RXYLT1: variants seen among roughly 807,000 people sequenced by gnomAD.
RXYLT1 encodes ribitol-5-phosphate xylosyltransferase 1.
A neutral mutation model predicts 43.5 loss-of-function variants in RXYLT1; 41 were observed. The ratio of observed to expected loss-of-function variants is 0.94; its 90% CI spans 0.73 to 1.22. The LOEUF (loss-of-function observed/expected upper bound fraction) is 1.22, where lower values mean the gene tolerates loss of function less well. Among genes scored for constraint, RXYLT1 ranks in the 50% most tolerant of loss-of-function variants. RXYLT1 has a pLI of 0.00. For synonymous variants in RXYLT1, 166 were observed against 194.4 expected (o/e 0.85, Z 1.21); for missense variants, 514 against 532.0 (o/e 0.97, Z 0.33).
At chr12:63,800,951 T>A (rs945572415) in intron 3 of RXYLT1, among the ~76,000 whole-genome samples, 4 of 151,954 alleles carry the variant, frequency 2.6e-5, no homozygotes, top group African/African-American at 7.3e-5. Context: ...TACAACACAT[T>A]CCCATTTACT....
rs187096303 is a variant in RXYLT1, at chr12:63,788,770, G to A, written c.428+3698G>A. Among the ~76,000 whole-genome samples the A allele has an allele frequency of 5.3e-5, 8 of 152,274 alleles. No individual in the cohort carries two copies. In the East Asian group the frequency reaches 1.5e-3, roughly 29 times the overall value. On this transcript the variant is annotated intron_variant, in intron 3 of 5. Coordinates refer to ENST00000261234, the MANE Select transcript of RXYLT1 (RefSeq NM_014254.3). Reference sequence around the variant, plus strand: ...ATTTCACCTTCACATCATTCATGTTGTTCACTGGAGTAGCACTTTTCATTT... The same window carrying A: ...ATTTCACCTTCACATCATTCATGTTATTCACTGGAGTAGCACTTTTCATTT...
At chr12:63,780,908 C>T in intron 1 of RXYLT1, 111 bp from the exon 2 acceptor site, 1 of 981,058 alleles carries the variant, frequency 1.0e-6, no homozygotes, top group Non-Finnish European at 1.4e-6. Context: ...CTGTACCTCT[C>T]AGAAATTAAA....
chr12:63,788,280 T>G (rs1172752833), intron 3 of RXYLT1, among the ~76,000 whole-genome samples: 1 of 152,198 alleles, frequency 6.6e-6, no homozygotes, highest in Non-Finnish European at 1.5e-5. Context: ...GGCTTCAACT[T>G]AAAGTCACCC....
At chr12:63,788,597 C>A (rs1897855905) in intron 3 of RXYLT1, among the ~76,000 whole-genome samples, 1 of 152,196 alleles carries the variant, frequency 6.6e-6, no homozygotes, top group African/African-American at 2.4e-5. Context: ...GACTTTTCTC[C>A]TGCAGCTTCC....
In RXYLT1 at chr12:63,809,182, T is replaced by A. The variant is rs902738721; in HGVS notation, c.*90T>A. Reference sequence around the variant, plus strand: ...TGTGTGTGTATGTATTTATAGATGTTCTTTAAGGTACCCTTGAAAACTCTA... The same window carrying A: ...TGTGTGTGTATGTATTTATAGATGTACTTTAAGGTACCCTTGAAAACTCTA... On this transcript the variant is annotated 3_prime_UTR_variant, in exon 6 of 6. Coordinates refer to ENST00000261234, the MANE Select transcript of RXYLT1 (RefSeq NM_014254.3). 17 of 963,296 alleles carry A rather than the reference T, an allele frequency of 1.8e-5. No individual in the cohort carries two copies. The highest frequency in any genetic ancestry group is 2.5e-5 in the Non-Finnish European group (17 of 668,166). The allele number at this position is 963,296 out of a possible 1,614,324, so 59.7% of individuals were successfully genotyped here. A position where few individuals can be genotyped will look rare whatever the true frequency, so the allele number is the denominator to read the frequency against.
Position 63,808,897 on chromosome 12 carries a change from G to A in RXYLT1, c.1137G>A (p.Met379Ile), listed in dbSNP as rs759997027. The A allele has an allele frequency of 1.2e-6, 2 of 1,613,962 alleles. No homozygotes were observed. The highest frequency in any genetic ancestry group is 2.7e-5 in the African/African-American group (2 of 74,900). ...CTCCTCTGCAGTTACTCAAGTCCAT[G>A]GGTGCTCCCTTTATCTTTATCAAGA... ...HGAPLQLLKS[M>I]GAPFIFIKNW... The change falls in exon 6 of 6, where the codon ATG becomes ATA. Residue 379 changes from methionine to isoleucine, a missense_variant. Physicochemically the swap from Met to Ile is conservative, Grantham distance 10. Coordinates refer to ENST00000261234, the MANE Select transcript of RXYLT1 (RefSeq NM_014254.3).
intron 3 of RXYLT1, among the ~76,000 whole-genome samples, chr12:63,797,092 T>G (rs1200979125): frequency 2.0e-5 from 3 of 151,426 alleles, no homozygotes; most frequent in African/African-American, 4.9e-5. Context: ...GCCTCCCAAG[T>G]AGCTGGGATT....
chr12:63,801,530 G>GA (rs1176667307), intron 3 of RXYLT1, among the ~76,000 whole-genome samples: 2 of 152,076 alleles, frequency 1.3e-5, no homozygotes, highest in Admixed American at 1.3e-4. Flanking sequence ...AACAACAACA[G>GA]AAAAAAAGGT....
intron 3 of RXYLT1, among the ~76,000 whole-genome samples, chr12:63,787,993 T>C (rs1897843759): frequency 6.6e-6 from 1 of 152,218 alleles, no homozygotes; most frequent in Non-Finnish European, 1.5e-5. Context: ...GGCTGCAGAA[T>C]AGATATTTTG....
Position 63,809,237 on chromosome 12 carries a change from G to T in RXYLT1, c.*145G>T, listed in dbSNP as rs181384825. On this transcript the variant is annotated 3_prime_UTR_variant, in exon 6 of 6. Coordinates refer to ENST00000261234, the MANE Select transcript of RXYLT1 (RefSeq NM_014254.3). ...ATGTATGCCACATAATGACATTTCAGTCAGTGGTAGACTACATATATGATA... is the reference window on the plus strand; with the variant it reads ...ATGTATGCCACATAATGACATTTCATTCAGTGGTAGACTACATATATGATA... 25 of 622,992 alleles carry T rather than the reference G, an allele frequency of 4.0e-5. No individual in the cohort carries two copies. The highest frequency in any genetic ancestry group is 5.8e-5 in the Non-Finnish European group (22 of 376,296). The allele number at this position is 622,992 out of a possible 1,614,324, so 38.6% of individuals were successfully genotyped here.
intron 3 of RXYLT1, among the ~76,000 whole-genome samples, chr12:63,795,259 CGA>C (rs1466062395): frequency 1.3e-5 from 2 of 150,512 alleles, no homozygotes; most frequent in African/African-American, 4.9e-5. Context: ...CCTGCCTGGG[CGA>C]CAGTGAGACC....
chr12:63,779,971 C>T lies in RXYLT1; in HGVS notation c.11C>T (p.Thr4Met). ...GGAAGCCCGAGTGGGATGCGGCTGA[C>T]GCGGAAGCGGCTCTGCTCGTTTCTT... MRL[T>M]RKRLCSFLIA... Residue 4 changes from threonine to methionine, a missense_variant, in exon 1 of 6, where the codon ACG (threonine) becomes ATG (methionine). Transcript: ENST00000261234. 1 of 1,610,564 alleles carries T rather than the reference C, an allele frequency of 6.2e-7. No homozygotes were observed. Among genetic ancestry groups the T allele is most frequent in the Admixed American group, 1.7e-5 (1 of 59,932 alleles).
chr12:63,780,404 C>T (rs776212904), intron 1 of RXYLT1: 66 of 1,248,202 alleles, frequency 5.3e-5, no homozygotes, highest in Middle Eastern at 3.1e-4. Context: ...TCCAAGACGT[C>T]GTCTCAAATG....
intron 3 of RXYLT1, 36 bp from the exon 4 acceptor site, chr12:63,802,055 G>A (rs780271218): frequency 8.5e-6 from 13 of 1,528,282 alleles, no homozygotes; most frequent in Admixed American, 4.2e-5. Context: ...TTCAGGCTTT[G>A]TTTGTCTCTT....
chr12:63,804,204 T>C (rs1422827116), intron 4 of RXYLT1: 1 of 152,264 alleles, frequency 6.6e-6, no homozygotes, highest in Non-Finnish European at 1.5e-5. Flanking sequence ...TCACAACTGG[T>C]ATCTAGCAGA....
intron 3 of RXYLT1, among the ~76,000 whole-genome samples, chr12:63,792,143 A>T (rs1897931063): frequency 6.6e-6 from 1 of 152,174 alleles, no homozygotes; most frequent in African/African-American, 2.4e-5. Flanking sequence ...TTAATGTCTT[A>T]AGAAGTTGGT....
At chr12:63,800,685 C>T (rs1181739961) in intron 3 of RXYLT1, among the ~76,000 whole-genome samples, 1 of 152,108 alleles carries the variant, frequency 6.6e-6, no homozygotes, top group Admixed American at 6.6e-5. Flanking sequence ...CGTTGGAAGG[C>T]CAAGGCAGGT....
chr12:63,788,288 C>T (rs1897849964), intron 3 of RXYLT1, among the ~76,000 whole-genome samples: 1 of 152,144 alleles, frequency 6.6e-6, no homozygotes. Context: ...CTTAAAGTCA[C>T]CCAGCTACAT....
intron 3 of RXYLT1, among the ~76,000 whole-genome samples, chr12:63,787,206 T>C (rs1415049727): frequency 2.0e-5 from 3 of 152,212 alleles, no homozygotes; most frequent in Non-Finnish European, 4.4e-5. Flanking sequence ...ACTTCACCAA[T>C]GTTCACAACA....
Sources: gnomAD v4.1 joint callset for allele counts (sites outside exome capture counted in the v4.1 genomes callset) on GRCh38, gnomAD v4.1.1 for gene constraint, MANE v1.5 for transcripts, NCBI Gene and HGNC (gene_info 2026-07-23, HGNC 2026-07-21) for gene names.